VPS8: variants seen among roughly 807,000 people sequenced by gnomAD.
VPS8 encodes the protein VPS8 subunit of CORVET complex.
Under a neutral mutation model 216.4 loss-of-function variants are expected in VPS8, and 129 were observed. The ratio of observed to expected loss-of-function variants is 0.60; its 90% confidence interval spans 0.52 to 0.69. VPS8 has a LOEUF of 0.69. VPS8 is among the 30% of genes least tolerant of loss of function. The probability of loss-of-function intolerance (pLI) is 0.00; values close to 1 mark genes in which losing one functional copy is unlikely to be tolerated. For missense variants in VPS8, 1,531 were observed against 1,683.5 expected (o/e 0.91, Z 1.59); for synonymous variants, 571 against 565.4 (o/e 1.01, Z -0.14).
intron 45 of VPS8, among the ~76,000 whole-genome samples, chr3:185,020,636 A>G (rs1194647376): frequency 2.0e-5 from 3 of 152,112 alleles, no homozygotes; most frequent in Non-Finnish European, 4.4e-5. Flanking sequence ...ACTCCAGGCT[A>G]ATTTTTAAAT....
intron 29 of VPS8, among the ~76,000 whole-genome samples, chr3:184,924,286 G>A (rs750114816): frequency 1.3e-5 from 2 of 152,188 alleles, no homozygotes; most frequent in Non-Finnish European, 2.9e-5. Context: ...TTGATGGACA[G>A]ATTTTTAGTA....
intron 24 of VPS8, among the ~76,000 whole-genome samples, chr3:184,899,213 A>G (rs574700476): frequency 6.6e-6 from 1 of 152,180 alleles, no homozygotes; most frequent in South Asian, 2.1e-4. Context: ...GAAGAACCAA[A>G]CCCCATATCT....
intron 3 of VPS8, among the ~76,000 whole-genome samples, chr3:184,828,091 C>G (rs187336051): frequency 2.2e-4 from 33 of 152,152 alleles, no homozygotes; most frequent in Non-Finnish European, 2.8e-4. Context: ...TAATATCAAC[C>G]TTAAAGGAGA....
At chr3:185,013,202 T>C (rs575802866) in intron 45 of VPS8, among the ~76,000 whole-genome samples, 2 of 152,326 alleles carry the variant, frequency 1.3e-5, no homozygotes, top group Admixed American at 6.5e-5. Flanking sequence ...ATGGCCATCA[T>C]GAGCATGTCA....
chr3:184,937,043 C>T (rs913797926), intron 35 of VPS8, among the ~76,000 whole-genome samples: 8 of 152,082 alleles, frequency 5.3e-5, no homozygotes, highest in African/African-American at 1.7e-4. Flanking sequence ...GGGCCACAAC[C>T]CTGTTTTCTT....
chr3:184,948,135 A>G (rs998629309), intron 36 of VPS8, among the ~76,000 whole-genome samples: 1 of 152,170 alleles, frequency 6.6e-6, no homozygotes, highest in African/African-American at 2.4e-5. Context: ...ACACTAATTT[A>G]ATTATAAAAA....
intron 34 of VPS8, among the ~76,000 whole-genome samples, chr3:184,934,209 C>T (rs1041298110): frequency 6.6e-6 from 1 of 151,964 alleles, no homozygotes; most frequent in African/African-American, 2.4e-5. Context: ...CTCACTGTGT[C>T]GCCCAGGCTG....
chr3:184,882,325 G>C, intron 21 of VPS8: 1 of 445,664 alleles, frequency 2.2e-6, no homozygotes, highest in Non-Finnish European at 4.5e-6. Context: ...TAATTAATAT[G>C]ATCATGTGAT....
chr3:184,955,853 G>T (rs983959349), intron 36 of VPS8, among the ~76,000 whole-genome samples: 7 of 151,808 alleles, frequency 4.6e-5, no homozygotes, highest in African/African-American at 1.7e-4. Flanking sequence ...TGTGGTTGGG[G>T]ACACACATAC....
chr3:184,857,471 A>G (rs1725474773), intron 14 of VPS8, among the ~76,000 whole-genome samples: 1 of 152,234 alleles, frequency 6.6e-6, no homozygotes, highest in African/African-American at 2.4e-5. Flanking sequence ...CAGTCTCTAG[A>G]TCCAATATGA....
intron 32 of VPS8, 47 bp downstream of exon 32, chr3:184,928,580 A>G (rs767987226): frequency 5.4e-6 from 7 of 1,294,440 alleles, no homozygotes; most frequent in Non-Finnish European, 7.1e-6. Flanking sequence ...GAAATATTAA[A>G]TTATATTTCT....
intron 31 of VPS8, among the ~76,000 whole-genome samples, chr3:184,927,616 AT>A (rs1739897085): frequency 6.6e-6 from 1 of 152,136 alleles, no homozygotes; most frequent in Non-Finnish European, 1.5e-5. Flanking sequence ...CATTTTAACC[AT>A]TTTTAAGTGT....
intron 22 of VPS8, among the ~76,000 whole-genome samples, chr3:184,887,035 T>C (rs1413747718): frequency 6.6e-6 from 1 of 152,156 alleles, no homozygotes; most frequent in African/African-American, 2.4e-5. Flanking sequence ...TTAGTTTAAA[T>C]TGTAACTATA....
chr3:184,868,064 G>A lies in VPS8; in HGVS notation c.1506+5G>A. 1.9e-6 allele frequency: 3 copies of A among 1,612,742 alleles called. No homozygotes were observed. Among genetic ancestry groups the A allele is most frequent in the Non-Finnish European group, 2.5e-6 (3 of 1,179,578 alleles). ...ATGCTGAGGAGCTGGAGAGAGGTGA[G>A]TTCCAAGTAATTTCACATGTCAGAG... On this transcript the variant is annotated splice_donor_5th_base_variant and intron_variant, in intron 18 of 47. Coordinates refer to ENST00000625842, the MANE Select transcript of VPS8 (RefSeq NM_001009921.3).
At chr3:184,932,255 T>C (rs1740815644) in intron 34 of VPS8, among the ~76,000 whole-genome samples, 1 of 152,130 alleles carries the variant, frequency 6.6e-6, no homozygotes, top group African/African-American at 2.4e-5. Flanking sequence ...AACACTTTTT[T>C]TGAGACTCTA....
chr3:184,916,065 T>G (rs1737514633), intron 28 of VPS8, among the ~76,000 whole-genome samples: 1 of 152,046 alleles, frequency 6.6e-6, no homozygotes, highest in African/African-American at 2.4e-5. Flanking sequence ...CATCAAAAAG[T>G]TAAGGAGAAC....
At chr3:184,817,991 T>A (rs1235794218) in intron 1 of VPS8, among the ~76,000 whole-genome samples, 3 of 152,086 alleles carry the variant, frequency 2.0e-5, no homozygotes, top group East Asian at 3.9e-4. Flanking sequence ...CAGATCCAGT[T>A]TGAACGGTGC....
At chr3:184,884,138 A>C (rs1578064192) in intron 21 of VPS8, among the ~76,000 whole-genome samples, 1 of 151,970 alleles carries the variant, frequency 6.6e-6, no homozygotes, top group Admixed American at 6.6e-5. Flanking sequence ...TTTGTTACAT[A>C]TGTATACATG....
chr3:184,917,014 G>A (rs2109101678), intron 28 of VPS8, among the ~76,000 whole-genome samples: 1 of 152,286 alleles, frequency 6.6e-6, no homozygotes, highest in Admixed American at 6.5e-5. Flanking sequence ...TTTTGTGGAG[G>A]AAGAGGATCC....
Sources: gnomAD v4.1 joint callset for allele counts (sites outside exome capture counted in the v4.1 genomes callset) on GRCh38, gnomAD v4.1.1 for gene constraint, MANE v1.5 for transcripts, NCBI Gene and HGNC (gene_info 2026-07-23, HGNC 2026-07-21) for gene names.